SPAG16: variants seen among roughly 807,000 people sequenced by gnomAD.
The protein encoded by SPAG16 is sperm-associated antigen 16 protein.
A neutral mutation model predicts 80.4 loss-of-function variants in SPAG16; 86 were observed. The observed-to-expected ratio is 1.07, with a 90% CI of 0.90 to 1.28. The LOEUF is 1.28. SPAG16 is among the 50% of genes most tolerant of loss of function. The pLI is 0.00. For synonymous variants in SPAG16, 294 were observed against 265.9 expected (o/e 1.11, Z -1.03); for missense variants, 870 against 765.3 (o/e 1.14, Z -1.61).
At position 213,980,725 on chromosome 2, in the gene SPAG16, T is replaced by TATATATATATAGAGAGAG. The variant is rs374274176; in HGVS notation, c.1401-33225_1401-33224insTATATATATAGAGAGAGA. On this transcript the variant is annotated intron_variant, in intron 12 of 15. Transcript: ENST00000331683. ...GTGTGTGTGTGTGTATATATATATA[T>TATATATATATAGAGAGAG]AGAGAGAGAGAGAGAGAGAGAGAGA... Among the ~76,000 whole-genome samples, 99 of 103,978 alleles carry TATATATATATAGAGAGAG rather than the reference T, an allele frequency of 9.5e-4. 2 individuals are homozygous for TATATATATATAGAGAGAG. Among genetic ancestry groups the TATATATATATAGAGAGAG allele is most frequent in the African/African-American group, 3.9e-3 (78 of 20,076 alleles). The allele number at this position is 103,978 out of a possible 152,430, so 68.2% of individuals were successfully genotyped here. A position where few individuals can be genotyped will look rare whatever the true frequency, so the allele number is the denominator to read the frequency against.
At chr2:213,668,621 G>GT (rs1218522056) in intron 10 of SPAG16, among the ~76,000 whole-genome samples, 2 of 150,904 alleles carry the variant, frequency 1.3e-5, no homozygotes, top group Non-Finnish European at 2.9e-5. Context: ...ATATAATAGT[G>GT]TTTTTTTGTT....
intron 11 of SPAG16, among the ~76,000 whole-genome samples, chr2:213,881,108 A>C (rs1278109204): frequency 6.6e-6 from 1 of 152,128 alleles, no homozygotes; most frequent in Non-Finnish European, 1.5e-5. Flanking sequence ...TGAGCATGGA[A>C]TGTTACTTTG....
intron 11 of SPAG16, among the ~76,000 whole-genome samples, chr2:213,882,760 TC>T (rs1559550056): frequency 1.3e-5 from 2 of 152,222 alleles, no homozygotes; most frequent in African/African-American, 4.8e-5. Flanking sequence ...GTTTCATTGG[TC>T]TTTTGTTTGC....
At chr2:214,383,775 T>C (rs1048191836) in intron 15 of SPAG16, among the ~76,000 whole-genome samples, 1 of 151,870 alleles carries the variant, frequency 6.6e-6, no homozygotes, top group Non-Finnish European at 1.5e-5. Flanking sequence ...ACAGGCAAAA[T>C]GGGAAGTCAT....
chr2:214,365,738 G>A (rs747832456), intron 15 of SPAG16, among the ~76,000 whole-genome samples: 1 of 151,964 alleles, frequency 6.6e-6, no homozygotes, highest in Non-Finnish European at 1.5e-5. Flanking sequence ...TCAAAAACAG[G>A]GTTGTAGGGA....
At chr2:213,674,058 A>C (rs1239301091) in intron 10 of SPAG16, among the ~76,000 whole-genome samples, 1 of 152,146 alleles carries the variant, frequency 6.6e-6, no homozygotes, top group African/African-American at 2.4e-5. Flanking sequence ...TTACTTGAGA[A>C]ATATATGTTG....
At chr2:214,339,480 C>T (rs1302148183) in intron 15 of SPAG16, among the ~76,000 whole-genome samples, 1 of 152,182 alleles carries the variant, frequency 6.6e-6, no homozygotes, top group African/African-American at 2.4e-5. Flanking sequence ...TTTTCCATCA[C>T]TATTTCATCT....
chr2:213,451,258 A>C (rs551255028), intron 9 of SPAG16, among the ~76,000 whole-genome samples: 1 of 152,348 alleles, frequency 6.6e-6, no homozygotes, highest in East Asian at 1.9e-4. Flanking sequence ...TGAGAAAAAG[A>C]TCCTTTAATT....
chr2:214,089,941 T>A (rs1390062823), intron 13 of SPAG16, among the ~76,000 whole-genome samples: 1 of 152,080 alleles, frequency 6.6e-6, no homozygotes, highest in African/African-American at 2.4e-5. Flanking sequence ...AGTTAATGAG[T>A]GTCTGCTCCC....
chr2:213,775,604 G>C (rs1409553325), intron 10 of SPAG16, among the ~76,000 whole-genome samples: 5 of 152,138 alleles, frequency 3.3e-5, no homozygotes, highest in Non-Finnish European at 7.4e-5. Context: ...CTGAAACACT[G>C]TACACTTTGA....
chr2:213,889,147 A>G (rs1278756538), intron 11 of SPAG16, among the ~76,000 whole-genome samples: 1 of 152,012 alleles, frequency 6.6e-6, no homozygotes, highest in East Asian at 1.9e-4. Flanking sequence ...ATATCAGTAA[A>G]TGGCACTTTA....
intron 14 of SPAG16, among the ~76,000 whole-genome samples, chr2:214,132,914 GA>G (rs1456246975): frequency 6.6e-6 from 1 of 151,958 alleles, no homozygotes; most frequent in Non-Finnish European, 1.5e-5. Context: ...CCAACATGGA[GA>G]AACCCCGTCT....
intron 13 of SPAG16, among the ~76,000 whole-genome samples, chr2:214,018,228 C>G (rs1357397794): frequency 6.6e-6 from 1 of 151,860 alleles, no homozygotes; most frequent in East Asian, 1.9e-4. Context: ...ACTGTGGCGA[C>G]TTCATTTCAG....
intron 10 of SPAG16, among the ~76,000 whole-genome samples, chr2:213,535,432 A>C (rs1026474152): frequency 4.6e-5 from 7 of 152,176 alleles, no homozygotes; most frequent in African/African-American, 1.7e-4. Flanking sequence ...GACGGAAATC[A>C]TGTCTGAGTT....
intron 15 of SPAG16, chr2:214,241,019 C>T (rs2125825570): frequency 6.6e-6 from 1 of 152,004 alleles, no homozygotes; most frequent in African/African-American, 2.4e-5. Context: ...ATTTATTTTC[C>T]CTCAGCTGTA....
At chr2:214,207,279 A>G (rs2058171533) in intron 15 of SPAG16, among the ~76,000 whole-genome samples, 1 of 152,190 alleles carries the variant, frequency 6.6e-6, no homozygotes, top group African/African-American at 2.4e-5. Flanking sequence ...ATTCTTAACC[A>G]GATTAGTTTA....
At chr2:213,925,538 G>A (rs565346438) in intron 11 of SPAG16, among the ~76,000 whole-genome samples, 1 of 152,164 alleles carries the variant, frequency 6.6e-6, no homozygotes, top group Admixed American at 6.5e-5. Context: ...TTTTAGTAGG[G>A]ATATGGTTTC....
chr2:214,186,341 A>C (rs1454901977), intron 15 of SPAG16, among the ~76,000 whole-genome samples: 1 of 152,152 alleles, frequency 6.6e-6, no homozygotes, highest in African/African-American at 2.4e-5. Flanking sequence ...ATTTATGAGA[A>C]TCTAATTACT....
chr2:214,005,781 G>A (rs754888561), intron 12 of SPAG16, among the ~76,000 whole-genome samples: 1 of 152,078 alleles, frequency 6.6e-6, no homozygotes, highest in South Asian at 2.1e-4. Flanking sequence ...GGTGTCACTC[G>A]AGGACTTTGC....
Sources: allele counts gnomAD v4.1 joint callset (sites outside exome capture counted in the v4.1 genomes callset), GRCh38; gene constraint gnomAD v4.1.1; transcripts MANE v1.5; gene names NCBI Gene and HGNC (gene_info 2026-07-23, HGNC 2026-07-21).